Variants in CPQ observed in about 807,000 individuals in gnomAD.
CPQ encodes Ser-Met dipeptidase.
In CPQ, 37 loss-of-function variants were observed where a neutral mutation model predicts 45.7. The ratio of observed to expected loss-of-function variants is 0.81; its 90% confidence interval spans 0.62 to 1.07. CPQ has a LOEUF of 1.07. Among genes scored for constraint, CPQ ranks in the 50% least tolerant of loss-of-function variants. The pLI is 0.00. For missense variants in CPQ, 537 were observed against 572.9 expected (o/e 0.94, Z 0.64); for synonymous variants, 186 against 205.8 (o/e 0.90, Z 0.82).
chr8:97,139,662 C>CT (rs1812122060), intron 7 of CPQ, among the ~76,000 whole-genome samples: 1 of 151,680 alleles, frequency 6.6e-6, no homozygotes, highest in South Asian at 2.1e-4. Flanking sequence ...AAAAGTAAAA[C>CT]TAGAAATTAA....
At chr8:96,697,360 A>G (rs547309595) in intron 1 of CPQ, among the ~76,000 whole-genome samples, 2 of 152,340 alleles carry the variant, frequency 1.3e-5, no homozygotes, top group Admixed American at 1.3e-4. Flanking sequence ...TGGATATAGA[A>G]TGAACATAGT....
At chr8:96,989,284 G>A (rs1438761637) in intron 5 of CPQ, among the ~76,000 whole-genome samples, 2 of 152,198 alleles carry the variant, frequency 1.3e-5, no homozygotes, top group East Asian at 3.9e-4. Flanking sequence ...TCTACAGGAT[G>A]TGATGTCATG....
At chr8:96,998,749 T>C (rs967280074) in intron 5 of CPQ, among the ~76,000 whole-genome samples, 6 of 151,984 alleles carry the variant, frequency 3.9e-5, no homozygotes, top group Non-Finnish European at 7.4e-5. Flanking sequence ...CTGCATTCTG[T>C]TGTGATAACA....
intron 1 of CPQ, among the ~76,000 whole-genome samples, chr8:96,739,782 C>T (rs1586380870): frequency 6.6e-6 from 1 of 150,770 alleles, no homozygotes; most frequent in African/African-American, 2.4e-5. Flanking sequence ...AGATATGTGG[C>T]ATTATTTCTG....
intron 5 of CPQ, among the ~76,000 whole-genome samples, chr8:96,997,395 A>G (rs568259341): frequency 6.1e-4 from 93 of 152,126 alleles, no homozygotes; most frequent in African/African-American, 2.2e-3. Flanking sequence ...ACTGTGTAAC[A>G]TAGCCTATTC....
At chr8:96,968,702 G>A (rs1813612382) in intron 5 of CPQ, among the ~76,000 whole-genome samples, 1 of 152,036 alleles carries the variant, frequency 6.6e-6, no homozygotes, top group Non-Finnish European at 1.5e-5. Context: ...TGGTCCAGTG[G>A]GGATCTCTGA....
intron 1 of CPQ, among the ~76,000 whole-genome samples, chr8:96,726,275 CATT>C (rs141414272): frequency 0.13 from 20,191 of 151,978 alleles, 1,341 homozygotes; most frequent in Middle Eastern, 0.17. Flanking sequence ...GTTCTGTGCT[CATT>C]ATGGATTAAT....
intron 1 of CPQ, among the ~76,000 whole-genome samples, chr8:96,681,897 G>T (rs1295654913): frequency 6.6e-6 from 1 of 152,296 alleles, no homozygotes; most frequent in Non-Finnish European, 1.5e-5. Flanking sequence ...TTTCGGACTT[G>T]CATGGGGCCT....
chr8:97,079,608 G>T (rs535071081), intron 7 of CPQ, among the ~76,000 whole-genome samples: 2 of 152,256 alleles, frequency 1.3e-5, no homozygotes, highest in East Asian at 3.9e-4. Flanking sequence ...TCACATATAA[G>T]ATGCAGTCCC....
intron 3 of CPQ, among the ~76,000 whole-genome samples, chr8:96,848,298 T>C (rs1448546471): frequency 6.6e-6 from 1 of 152,162 alleles, no homozygotes; most frequent in Non-Finnish European, 1.5e-5. Flanking sequence ...TGGGGGCCTC[T>C]TTAAGAAAAA....
chr8:96,824,071 C>A (rs1212550576), intron 2 of CPQ, among the ~76,000 whole-genome samples: 5 of 151,976 alleles, frequency 3.3e-5, no homozygotes, highest in Admixed American at 2.6e-4. Flanking sequence ...GTGGAGATGG[C>A]CTCTAAATTT....
intron 5 of CPQ, among the ~76,000 whole-genome samples, chr8:97,009,467 C>T (rs894053346): frequency 9.2e-5 from 14 of 152,144 alleles, no homozygotes; most frequent in African/African-American, 3.4e-4. Flanking sequence ...GCAGCATTGG[C>T]AGGAGGTGCA....
intron 1 of CPQ, among the ~76,000 whole-genome samples, chr8:96,688,397 T>C (rs537710128): frequency 1.1e-4 from 16 of 152,338 alleles, no homozygotes; most frequent in Admixed American, 2.6e-4. Context: ...CCACCTCATT[T>C]TTCTTTTAAT....
At chr8:96,811,452 A>C (rs1218877673) in intron 2 of CPQ, among the ~76,000 whole-genome samples, 1 of 152,146 alleles carries the variant, frequency 6.6e-6, no homozygotes, top group African/African-American at 2.4e-5. Flanking sequence ...TTTGATGTAC[A>C]TTAACAATTC....
intron 7 of CPQ, among the ~76,000 whole-genome samples, chr8:97,139,844 A>C (rs1439112571): frequency 6.6e-6 from 1 of 151,984 alleles, no homozygotes; most frequent in African/African-American, 2.4e-5. Context: ...AAAAGCAAAT[A>C]AATCCAAAGA....
At chr8:96,740,787 C>T (rs536039869) in intron 1 of CPQ, among the ~76,000 whole-genome samples, 13 of 152,206 alleles carry the variant, frequency 8.5e-5, no homozygotes, top group Admixed American at 8.5e-4. Context: ...GTATATTGAA[C>T]CAGTCTTGCA....
At position 96,743,693 on chromosome 8, in the gene CPQ, C is replaced by T. The variant is rs547345879; in HGVS notation, c.-34-41171C>T. On this transcript the variant is annotated intron_variant, in intron 1 of 7. Coordinates refer to ENST00000220763, the MANE Select transcript of CPQ (RefSeq NM_016134.4). Reference sequence around the variant, plus strand: ...TTCTGTTTCTTAGTTTTCTTTCTAACGGACAGGACCCTCAGCTGCAGGTCT... The same window carrying T: ...TTCTGTTTCTTAGTTTTCTTTCTAATGGACAGGACCCTCAGCTGCAGGTCT... Among the ~76,000 whole-genome samples the T allele has an allele frequency of 6.3e-4, 96 of 152,308 alleles. No individual in the cohort carries two copies. In the Middle Eastern group the frequency reaches 0.01, roughly 16 times the overall value.
intron 1 of CPQ, among the ~76,000 whole-genome samples, chr8:96,722,896 C>T (rs1451650151): frequency 6.6e-6 from 1 of 152,148 alleles, no homozygotes; most frequent in Admixed American, 6.5e-5. Context: ...ACACATAGAG[C>T]TTCTTCTCAT....
At chr8:97,027,219 C>T (rs1809819146) in intron 5 of CPQ, among the ~76,000 whole-genome samples, 1 of 151,992 alleles carries the variant, frequency 6.6e-6, no homozygotes, top group South Asian at 2.1e-4. Context: ...AGATTTCTTC[C>T]TCAGACAACA....
Sources: gnomAD v4.1 joint callset for allele counts (sites outside exome capture counted in the v4.1 genomes callset) on GRCh38, gnomAD v4.1.1 for gene constraint, MANE v1.5 for transcripts, NCBI Gene and HGNC (gene_info 2026-07-23, HGNC 2026-07-21) for gene names.